The following CYP11A1 variants were observed in gnomAD, a reference collection of about 807,000 sequenced individuals.
The protein encoded by CYP11A1 is cytochrome P450 family 11 subfamily A member 1, also known as cholesterol side-chain cleavage enzyme, mitochondrial.
Under a neutral mutation model 51.9 loss-of-function variants are expected in CYP11A1, and 25 were observed. The ratio of observed to expected loss-of-function variants is 0.48; its 90% confidence interval spans 0.35 to 0.67. The LOEUF (loss-of-function observed/expected upper bound fraction) is 0.67, where lower values mean the gene tolerates loss of function less well. CYP11A1 is among the 30% of genes least tolerant of loss of function. The pLI is 0.00. For missense variants in CYP11A1, 578 were observed against 680.9 expected (o/e 0.85, Z 1.68); for synonymous variants, 245 against 262.1 (o/e 0.93, Z 0.63).
At position 74,338,026 on chromosome 15, in the gene CYP11A1, T is replaced by C; in HGVS notation, c.1512A>G (p.Glu504=). Residue 504 remains glutamate, a synonymous_variant, in exon 9 of 9, where the codon GAA becomes GAG. Coordinates refer to ENST00000268053, the MANE Select transcript of CYP11A1 (RefSeq NM_000781.3). ...GTTFNLILMP[E]KPISFTFWPF... is the part of the protein sequence containing the mutation. The stretch of plus-strand genomic sequence containing the variant: ...GCCAGAAGGTGAAGGAGATGGGCTT[T>C]TCAGGCATCAGAATGAGGTTGAATG... 6.2e-7 allele frequency: 1 copy of C among 1,614,172 alleles called. No individual in the cohort carries two copies. Among genetic ancestry groups the C allele is most frequent in the Non-Finnish European group, 8.5e-7 (1 of 1,180,018 alleles).
At position 74,338,899 on chromosome 15, in the gene CYP11A1, G is replaced by A. The variant is rs1221039223; in HGVS notation, c.1237-131C>T. 10 of 856,390 alleles carry A rather than the reference G, an allele frequency of 1.2e-5. No homozygotes were observed. In the Admixed American group the frequency reaches 2.0e-4, roughly 17 times the overall value. 53.0% of individuals were successfully genotyped at this position (856,390 alleles called of 1,614,324 possible). A position where few individuals can be genotyped will look rare whatever the true frequency, so the allele number is the denominator to read the frequency against. On this transcript the variant is annotated intron_variant, in intron 7 of 8. Coordinates refer to ENST00000268053, the MANE Select transcript of CYP11A1 (RefSeq NM_000781.3). ...CCAGCATGGCTGCCCAGCTCTCCAG[G>A]GCAGGACATTCTGCCCACTGTGCAG...
chr15:74,345,255 TG>T lies in CYP11A1; in HGVS notation c.426-13del. 1 of 1,614,076 alleles carries T rather than the reference TG, an allele frequency of 6.2e-7. No individual in the cohort carries two copies. The highest frequency in any genetic ancestry group is 1.1e-5 in the South Asian group (1 of 91,068). ...AGGCTGCCGACTTCCTGAGAAAACA[TG>T]GGCCCACAAGCCCTCATGGTCACAG... On this transcript the variant is annotated splice_polypyrimidine_tract_variant and intron_variant, in intron 2 of 8. Transcript: ENST00000268053. This position sits in a 1 kb window ranked among gnomAD's most constrained non-coding sequence, Gnocchi z 4.3.
intron 1 of CYP11A1, 120 bp downstream of exon 1, chr15:74,367,189 AAAAAAAAG>A (rs2060737465): frequency 1.0e-5 from 10 of 984,318 alleles, no homozygotes; most frequent in South Asian, 9.2e-5. Flanking sequence ...AAAAAAAAAA[AAAAAAAAG>A]AAGTTAGACA....
rs1253806423 is a variant in CYP11A1, at chr15:74,339,227, C to T, written c.1236+10G>A. ...ACTGGCAGAGCCTGCAGCCTGCTGG[C>T]TGCACCTACCTTGGCAGGAATCATG... is the stretch of plus-strand genomic sequence containing the variant. On this transcript the variant is annotated intron_variant, in intron 7 of 8. Coordinates refer to ENST00000268053, the MANE Select transcript of CYP11A1 (RefSeq NM_000781.3). 1.2e-6 allele frequency: 2 copies of T among 1,611,334 alleles called. No individual in the cohort carries two copies. The highest frequency in any genetic ancestry group is 1.7e-6 in the Non-Finnish European group (2 of 1,177,398).
chr15:74,365,710 C>T, intron 1 of CYP11A1: 1 of 985,528 alleles, frequency 1.0e-6, no homozygotes, highest in Non-Finnish European at 1.2e-6. Context: ...GCCGCGCGGA[C>T]GTCACCTTAG....
rs542653252 is a variant in CYP11A1 at position 74,361,549 on chromosome 15, G to A, written c.269+5768C>T. ...TGCCACCAGGAGCCCTGTACTATCA[G>A]CCATGGTCAACCCCACCGTGTTCTT... On this transcript the variant is annotated intron_variant, in intron 1 of 8. Transcript: ENST00000268053. 260 of 743,242 alleles carry A rather than the reference G, an allele frequency of 3.5e-4. No individual in the cohort carries two copies. In the African/African-American group the frequency reaches 4.2e-3, roughly 12 times the overall value. The allele number at this position is 743,242 out of a possible 1,614,324, so 46.0% of individuals were successfully genotyped here.
chr15:74,359,930 G>A (rs1006696719), intron 1 of CYP11A1, among the ~76,000 whole-genome samples: 2 of 152,110 alleles, frequency 1.3e-5, no homozygotes, highest in African/African-American at 4.8e-5. Context: ...AAATTAATTG[G>A]TTTAATAATA....
Position 74,343,952 on chromosome 15 carries a change from C to T in CYP11A1, c.666G>A (p.Leu222=), listed in dbSNP as rs769194986. The T allele has an allele frequency of 2.5e-6, 4 of 1,614,130 alleles. No individual in the cohort carries two copies. Among genetic ancestry groups the T allele is most frequent in the African/African-American group, 2.7e-5 (2 of 75,018 alleles). Residue 222 remains leucine, a synonymous_variant, in exon 4 of 9, where the codon CTG becomes CTA. Coordinates refer to ENST00000268053, the MANE Select transcript of CYP11A1 (RefSeq NM_000781.3). ...GGGCCTCGGGGTTCACTACTTCCTC[C>T]AGCATCCCCTGGCGCTCCCCAAAAA... ...NVIFGERQGM[L]EEVVNPEAQR... is the part of the protein sequence containing the mutation.
rs576390546 is a variant in CYP11A1 at position 74,344,986 on chromosome 15, T to A, written c.625+58A>T. On this transcript the variant is annotated intron_variant, in intron 3 of 8. Transcript: ENST00000268053. ...TGTACTGAACCTCAAGGTAAGAGAG[T>A]GAACACTGAGTCCTCCCACCCCCAT... The A allele has an allele frequency of 1.9e-4, 281 of 1,495,480 alleles. 4 individuals carry two copies. The South Asian group carries it at 3.0e-3, about 16-fold the overall frequency. The allele number at this position is 1,495,480 out of a possible 1,614,324, so 92.6% of individuals were successfully genotyped here. A position where few individuals can be genotyped will look rare whatever the true frequency, so the allele number is the denominator to read the frequency against.
chr15:74,338,550 G>A, intron 8 of CYP11A1, 21 bp downstream of exon 8: 1 of 1,613,614 alleles, frequency 6.2e-7, no homozygotes, highest in Non-Finnish European at 8.5e-7. Context: ...AGGGTGCCTA[G>A]ATGTCCCCAG....
At chr15:74,352,077 T>C (rs2141240072) in intron 1 of CYP11A1, among the ~76,000 whole-genome samples, 1 of 152,312 alleles carries the variant, frequency 6.6e-6, no homozygotes, top group African/African-American at 2.4e-5. Context: ...GTCTACCAAA[T>C]TGCCTTATAA....
chr15:74,352,503 T>C (rs2060660797), intron 1 of CYP11A1, among the ~76,000 whole-genome samples: 1 of 152,110 alleles, frequency 6.6e-6, no homozygotes, highest in Non-Finnish European at 1.5e-5. Context: ...ACTCTTGACC[T>C]TGTGATCTGC....
rs983490032 is a variant in CYP11A1, at chr15:74,364,088, C to T, written c.269+3229G>A. The T allele has an allele frequency of 5.9e-5, 9 of 152,512 alleles. No individual in the cohort carries two copies. The East Asian group carries it at 1.7e-3, about 29-fold the overall frequency. 9.4% of individuals were successfully genotyped at this position (152,512 alleles called of 1,614,324 possible). ...CTAAAGTTTCCATTAAATCTTTTAA[C>T]CAAATTCATTTCCTCTCACCTAGAG... On this transcript the variant is annotated intron_variant, in intron 1 of 8. Transcript: ENST00000268053.
chr15:74,364,251 G>GAA (rs1422896677), intron 1 of CYP11A1: 5 of 152,712 alleles, frequency 3.3e-5, no homozygotes, highest in Non-Finnish European at 7.3e-5. Flanking sequence ...AATAGGTAGG[G>GAA]ACTATGCCCC....
intron 3 of CYP11A1, 53 bp from the exon 4 acceptor site, chr15:74,344,045 G>A (rs1202093423): frequency 6.6e-6 from 10 of 1,504,766 alleles, no homozygotes; most frequent in South Asian, 1.1e-5. Flanking sequence ...CCATCTGAGA[G>A]CCACAACTCC....
intron 2 of CYP11A1, among the ~76,000 whole-genome samples, chr15:74,347,332 CG>C (rs1178694073): frequency 1.3e-5 from 2 of 152,032 alleles, no homozygotes; most frequent in African/African-American, 2.4e-5. Flanking sequence ...TCACCTGTGC[CG>C]GGGGGCAGAG....
intron 1 of CYP11A1, chr15:74,365,910 G>C (rs1323388417): frequency 1.0e-6 from 1 of 985,714 alleles, no homozygotes; most frequent in Non-Finnish European, 1.2e-6. Flanking sequence ...CAGCGCCCCC[G>C]TAACACCTCA....
intron 1 of CYP11A1, among the ~76,000 whole-genome samples, chr15:74,348,521 A>G (rs2060642105): frequency 6.6e-6 from 1 of 152,218 alleles, no homozygotes; most frequent in Non-Finnish European, 1.5e-5. Context: ...ATAGCTTGCA[A>G]GGTAGGCCAT....
At position 74,339,222 on chromosome 15, in the gene CYP11A1, G is replaced by T; in HGVS notation, c.1236+15C>A. The T allele has an allele frequency of 6.2e-7, 1 of 1,608,166 alleles. No individual in the cohort carries two copies. The highest frequency in any genetic ancestry group is 8.5e-7 in the Non-Finnish European group (1 of 1,174,638). ...CTCTGACTGGCAGAGCCTGCAGCCT[G>T]CTGGCTGCACCTACCTTGGCAGGAA... is the stretch of plus-strand genomic sequence containing the variant. On this transcript the variant is annotated intron_variant, in intron 7 of 8. Coordinates refer to ENST00000268053, the MANE Select transcript of CYP11A1 (RefSeq NM_000781.3).
Sources: allele counts gnomAD v4.1 joint callset (sites outside exome capture counted in the v4.1 genomes callset), GRCh38; gene constraint gnomAD v4.1.1; non-coding constraint Gnocchi (gnomAD v3.1); transcripts MANE v1.5; gene names NCBI Gene and HGNC (gene_info 2026-07-23, HGNC 2026-07-21).